Variants in R3HDM4 observed in about 807,000 individuals in gnomAD.
R3HDM4 encodes the protein R3H domain containing 4.
A neutral mutation model predicts 31.3 loss-of-function variants in R3HDM4; 30 were observed. That is an observed-to-expected ratio of 0.96 (90% CI 0.72 to 1.30). R3HDM4 has a LOEUF of 1.30. Among genes scored for constraint, R3HDM4 ranks in the 50% most tolerant of loss-of-function variants. The probability of loss-of-function intolerance (pLI) is 0.00; values close to 1 mark genes in which losing one functional copy is unlikely to be tolerated. For missense variants in R3HDM4, 444 were observed against 366.1 expected (o/e 1.21, Z -1.74); for synonymous variants, 196 against 156.6 (o/e 1.25, Z -1.88).
At chr19:904,747 G>C (rs1296623152) in intron 1 of R3HDM4, among the ~76,000 whole-genome samples, 1 of 151,966 alleles carries the variant, frequency 6.6e-6, no homozygotes, top group Non-Finnish European at 1.5e-5. Flanking sequence ...CTGCACTCCA[G>C]CCTGGGTGAC....
rs1300576244 is a variant in R3HDM4 at position 907,215 on chromosome 19, A to G, written c.72-5085T>C. 2.0e-5 allele frequency among the ~76,000 whole-genome samples: 3 copies of G among 152,206 alleles called. No homozygotes were observed. Among genetic ancestry groups the G allele is most frequent in the African/African-American group, 4.8e-5 (2 of 41,456 alleles). ...GAAGGAGGTGGTGGACCATGCCCTC[A>G]GCACAGAGCACAGCAGCCGACGGGT... On this transcript the variant is annotated intron_variant, in intron 1 of 7. Transcript: ENST00000361574. The surrounding 1 kb of genome is among the most constrained non-coding windows in gnomAD (Gnocchi z 4.1).
chr19:899,982 G>A lies in R3HDM4; in HGVS notation c.561+79C>T. 1 of 1,404,564 alleles carries A rather than the reference G, an allele frequency of 7.1e-7. No homozygotes were observed. 87.0% of individuals were successfully genotyped at this position (1,404,564 alleles called of 1,614,324 possible). A position where few individuals can be genotyped will look rare whatever the true frequency, so the allele number is the denominator to read the frequency against. ...TCCCCTGACACGACCTGCACCGGGT[G>A]AGAACCTGTGCCTGGGAAACGGGCC... On this transcript the variant is annotated intron_variant, in intron 5 of 7. Coordinates refer to ENST00000361574, the MANE Select transcript of R3HDM4 (RefSeq NM_138774.4). This position sits in a 1 kb window ranked among gnomAD's most constrained non-coding sequence, Gnocchi z 6.8.
rs200874967 is a variant in R3HDM4, at chr19:900,860, C to A, written c.444G>T (p.Arg148Ser). 5.2e-6 allele frequency: 8 copies of A among 1,553,356 alleles called. No individual in the cohort carries two copies. Among genetic ancestry groups the A allele is most frequent in the South Asian group, 1.2e-5 (1 of 84,316 alleles). The stretch of plus-strand genomic sequence containing the variant: ...TCCGGTCCTCCCCACGGCCAGGGCC[C>A]CTCCTCCGCGCCTTGCTCCTGCCCT... ...EDEGRSKARR[R>S]GPGRGEDRRR... Residue 148 changes from arginine to serine, a missense_variant, in exon 4 of 8, where the codon AGG (arginine) becomes AGT (serine). Arg to Ser is a moderately radical substitution (Grantham distance 110). Transcript: ENST00000361574.
chr19:901,376 T>C (rs761595260), intron 3 of R3HDM4, 46 bp downstream of exon 3: 26 of 1,576,350 alleles, frequency 1.6e-5, no homozygotes, highest in Admixed American at 3.5e-5. Flanking sequence ...GTAGGAGAAC[T>C]GCCGGGGTCC....
chr19:899,952 C>G lies in R3HDM4; in HGVS notation c.561+109G>C, dbSNP rs1227365293. ...CTGGTGCCGCTGTCTGTATCCTGCC[C>G]TGTTTCCCCTGACACGACCTGCACC... On this transcript the variant is annotated intron_variant, in intron 5 of 7. Transcript: ENST00000361574. This position sits in a 1 kb window ranked among gnomAD's most constrained non-coding sequence, Gnocchi z 6.8. 5.1e-6 allele frequency: 6 copies of G among 1,186,582 alleles called. No homozygotes were observed. The highest frequency in any genetic ancestry group is 1.5e-5 in the African/African-American group (1 of 65,990). 73.5% of individuals were successfully genotyped at this position (1,186,582 alleles called of 1,614,324 possible).
chr19:905,012 C>T (rs933095516), intron 1 of R3HDM4, among the ~76,000 whole-genome samples: 1 of 151,598 alleles, frequency 6.6e-6, no homozygotes, highest in African/African-American at 2.4e-5. Flanking sequence ...TTCAAGACCA[C>T]CCTGGCCAAC....
Position 902,036 on chromosome 19 carries a change from G to C in R3HDM4, c.166C>G (p.Arg56Gly). Residue 56 changes from arginine (R) to glycine (G), a missense_variant, in exon 2 of 8, where the codon CGG becomes GGG. Coordinates refer to ENST00000361574, the MANE Select transcript of R3HDM4 (RefSeq NM_138774.4). Reference sequence around the variant, plus strand: ...GCCTTGGGCACGAGGTCTGAGTTCCGCACTGCCTGGTTGATGAAGTGCTGT... The same window carrying C: ...GCCTTGGGCACGAGGTCTGAGTTCCCCACTGCCTGGTTGATGAAGTGCTGT... ...RKQHFINQAV[R>G]NSDLVPKAKG... 1.2e-6 allele frequency: 2 copies of C among 1,613,926 alleles called. No individual in the cohort carries two copies. The highest frequency in any genetic ancestry group is 1.7e-6 in the Non-Finnish European group (2 of 1,180,006).
At chr19:906,707 G>T (rs2036909736) in intron 1 of R3HDM4, among the ~76,000 whole-genome samples, 1 of 152,128 alleles carries the variant, frequency 6.6e-6, no homozygotes, top group Non-Finnish European at 1.5e-5. Flanking sequence ...AGTGTCGCTG[G>T]ACTGAGTATT....
Position 901,987 on chromosome 19 carries a change from C to A in R3HDM4, c.215G>T (p.Arg72Leu). Reference sequence around the variant, plus strand: ...CGACCCCTGCTCACTGTTCTCCAGGCGCTGGAGGCTCTTCCGCCCCTTGGC... The same window carrying A: ...CGACCCCTGCTCACTGTTCTCCAGGAGCTGGAGGCTCTTCCGCCCCTTGGC... ...PKAKGRKSLQ[R>L]LENTQYLLTL... Residue 72 changes from arginine to leucine, a missense_variant, in exon 2 of 8, where the codon CGC becomes CTC. By Grantham distance (102) the Arg-to-Leu change is moderately radical. Coordinates refer to ENST00000361574, the MANE Select transcript of R3HDM4 (RefSeq NM_138774.4). 1 of 1,613,732 alleles carries A rather than the reference C, an allele frequency of 6.2e-7. No homozygotes were observed. Among genetic ancestry groups the A allele is most frequent in the Non-Finnish European group, 8.5e-7 (1 of 1,180,004 alleles).
chr19:899,949 G>C lies in R3HDM4; in HGVS notation c.561+112C>G. The C allele has an allele frequency of 8.6e-7, 1 of 1,158,442 alleles. No individual in the cohort carries two copies. Among genetic ancestry groups the C allele is most frequent in the South Asian group, 1.3e-5 (1 of 76,056 alleles). 71.8% of individuals were successfully genotyped at this position (1,158,442 alleles called of 1,614,324 possible). On this transcript the variant is annotated intron_variant, in intron 5 of 7. Transcript: ENST00000361574. The surrounding 1 kb of genome is among the most constrained non-coding windows in gnomAD (Gnocchi z 6.8). Reference sequence around the variant, plus strand: ...GCCCTGGTGCCGCTGTCTGTATCCTGCCCTGTTTCCCCTGACACGACCTGC... The same window carrying C: ...GCCCTGGTGCCGCTGTCTGTATCCTCCCCTGTTTCCCCTGACACGACCTGC...
chr19:908,978 C>T (rs2036939429), intron 1 of R3HDM4, among the ~76,000 whole-genome samples: 1 of 152,266 alleles, frequency 6.6e-6, no homozygotes, highest in South Asian at 2.1e-4. Context: ...AACTAAACTT[C>T]TGTTGACACA....
rs765732334 is a variant in R3HDM4 at position 897,477 on chromosome 19, G to A, written c.767C>T (p.Pro256Leu). Reference protein sequence around the residue: ...VSNRHLDFLPPGLLLSAYLEQ... With the variant: ...VSNRHLDFLPLGLLLSAYLEQ... The stretch of plus-strand genomic sequence containing the variant: ...CAGGTAGGCGGACAGGAGCAGCCCC[G>A]GCGGCAGGAAATCCAGGTGCCGATT... Residue 256 changes from proline to leucine, a missense_variant, in exon 8 of 8, where the codon CCG (proline) becomes CTG (leucine). Transcript: ENST00000361574. 1.6e-5 allele frequency: 25 copies of A among 1,612,748 alleles called. No individual in the cohort carries two copies. Among genetic ancestry groups the A allele is most frequent in the Middle Eastern group, 1.7e-4 (1 of 6,028 alleles).
intron 7 of R3HDM4, among the ~76,000 whole-genome samples, chr19:897,998 T>C (rs1052994139): frequency 1.3e-5 from 2 of 152,066 alleles, no homozygotes; most frequent in Admixed American, 1.3e-4. Flanking sequence ...CCAGGCGCAG[T>C]GGCTCATGCC....
rs1277996177 is a variant in R3HDM4, at chr19:907,136, C to G, written c.72-5006G>C. Reference sequence around the variant, plus strand: ...GGCCCTCATTATACAGATTTGTAAACCAAGGCACAAAGTCACCGCCCAAGC... The same window carrying G: ...GGCCCTCATTATACAGATTTGTAAAGCAAGGCACAAAGTCACCGCCCAAGC... On this transcript the variant is annotated intron_variant, in intron 1 of 7. Coordinates refer to ENST00000361574, the MANE Select transcript of R3HDM4 (RefSeq NM_138774.4). This position sits in a 1 kb window ranked among gnomAD's most constrained non-coding sequence, Gnocchi z 4.1. 6.6e-6 allele frequency among the ~76,000 whole-genome samples: 1 copy of G among 152,120 alleles called. No individual in the cohort carries two copies. The highest frequency in any genetic ancestry group is 2.4e-5 in the African/African-American group (1 of 41,428).
At chr19:903,456 T>C (rs1231223361) in intron 1 of R3HDM4, among the ~76,000 whole-genome samples, 1 of 138,632 alleles carries the variant, frequency 7.2e-6, no homozygotes, top group African/African-American at 2.8e-5. Context: ...TTGGACAGGG[T>C]GGGGGTAAGC....
chr19:900,140 G>A lies in R3HDM4; in HGVS notation c.482C>T (p.Pro161Leu). 2 of 1,579,276 alleles carry A rather than the reference G, an allele frequency of 1.3e-6. No homozygotes were observed. Among genetic ancestry groups the A allele is most frequent in the Non-Finnish European group, 1.7e-6 (2 of 1,163,724 alleles). ...GAAGCACTCGCGGGGTGTATAGGCG[G>A]GGTCCTCTGCAGGAGTGGGGGAACA... ...GRGEDRRRED[P>L]AYTPRECFQR... Residue 161 changes from proline to leucine, a missense_variant, in exon 5 of 8, where the codon CCC (proline) becomes CTC (leucine). Coordinates refer to ENST00000361574, the MANE Select transcript of R3HDM4 (RefSeq NM_138774.4).
intron 1 of R3HDM4, among the ~76,000 whole-genome samples, chr19:904,397 G>A (rs1350663593): frequency 6.6e-6 from 1 of 152,152 alleles, no homozygotes; most frequent in Non-Finnish European, 1.5e-5. Context: ...TAAAAATTCT[G>A]TGATTCCAAG....
chr19:901,657 C>T, intron 2 of R3HDM4, 111 bp from the exon 3 acceptor site: 5 of 1,366,284 alleles, frequency 3.7e-6, no homozygotes, highest in South Asian at 2.8e-5. Flanking sequence ...ACCTCCGCAC[C>T]TCCATGCTCC....
rs2036791371 is a variant in R3HDM4, at chr19:899,332, C to T, written c.703+108G>A. The T allele has an allele frequency of 1.7e-6, 2 of 1,188,208 alleles. 1 individual carries two copies. The highest frequency in any genetic ancestry group is 2.5e-6 in the Non-Finnish European group (2 of 809,896). 73.6% of individuals were successfully genotyped at this position (1,188,208 alleles called of 1,614,324 possible). A position where few individuals can be genotyped will look rare whatever the true frequency, so the allele number is the denominator to read the frequency against. On this transcript the variant is annotated intron_variant, in intron 7 of 7. Transcript: ENST00000361574. This position sits in a 1 kb window ranked among gnomAD's most constrained non-coding sequence, Gnocchi z 6.8. ...TAGCGTCCCCACTCCAGCCCCCTTC[C>T]CCACCTCCCCACCAAGCCCCACTCT... is the stretch of plus-strand genomic sequence containing the variant.
Sources: allele counts gnomAD v4.1 joint callset (sites outside exome capture counted in the v4.1 genomes callset), GRCh38; gene constraint gnomAD v4.1.1; non-coding constraint Gnocchi (gnomAD v3.1); transcripts MANE v1.5; gene names NCBI Gene and HGNC (gene_info 2026-07-23, HGNC 2026-07-21).